DYTN: variants seen among roughly 807,000 people sequenced by gnomAD.
DYTN encodes dystrotelin.
In DYTN, 75 loss-of-function variants were observed where a neutral mutation model predicts 69.6. The observed-to-expected ratio is 1.08, with a 90% CI of 0.89 to 1.31. DYTN has a LOEUF of 1.31. Ranked by LOEUF, DYTN falls within the 50% of genes most tolerant of loss-of-function variation. DYTN has a pLI of 0.00. For synonymous variants in DYTN, 252 were observed against 249.1 expected, an observed-to-expected ratio of 1.01 and a Z score of -0.11; for missense variants, 726 against 688.4, an observed-to-expected ratio of 1.05 and a Z score of -0.61.
chr2:206,703,068 A>T (rs945999267), intron 5 of DYTN, among the ~76,000 whole-genome samples: 1 of 152,090 alleles, frequency 6.6e-6, no homozygotes, highest in African/African-American at 2.4e-5. Context: ...GCTTCCTAAG[A>T]CCTTCTCAGG....
chr2:206,699,603 C>A (rs946598725), intron 7 of DYTN, 124 bp downstream of exon 7: 6 of 1,218,286 alleles, frequency 4.9e-6, no homozygotes, highest in Non-Finnish European at 6.6e-6. Flanking sequence ...AATCATTGAG[C>A]CAAAAAAGTC....
intron 5 of DYTN, among the ~76,000 whole-genome samples, chr2:206,701,638 A>G (rs1699978454): frequency 6.6e-6 from 1 of 152,194 alleles, no homozygotes; most frequent in African/African-American, 2.4e-5. Flanking sequence ...GAGGACAGGG[A>G]TAAATGAGAA....
At chr2:206,658,735 C>G (rs1473607327) in intron 11 of DYTN, among the ~76,000 whole-genome samples, 1 of 152,106 alleles carries the variant, frequency 6.6e-6, no homozygotes, top group Non-Finnish European at 1.5e-5. Flanking sequence ...TTGCATTGAG[C>G]CTTTTGGAAA....
chr2:206,687,505 G>C (rs957763706), intron 9 of DYTN: 1 of 151,838 alleles, frequency 6.6e-6, no homozygotes, highest in African/African-American at 2.4e-5. Context: ...TTTTAATTTT[G>C]TTTATACTAT....
At chr2:206,677,740 C>T (rs1440496100) in intron 9 of DYTN, among the ~76,000 whole-genome samples, 2 of 152,246 alleles carry the variant, frequency 1.3e-5, no homozygotes, top group East Asian at 1.9e-4. Flanking sequence ...CCTGTAATCC[C>T]AGCACTTTGG....
At chr2:206,714,649 G>C (rs1700110553) in intron 1 of DYTN, among the ~76,000 whole-genome samples, 1 of 151,742 alleles carries the variant, frequency 6.6e-6, no homozygotes, top group African/African-American at 2.4e-5. Flanking sequence ...GGGTTTAGGA[G>C]GTGTTTCCAG....
intron 1 of DYTN, among the ~76,000 whole-genome samples, chr2:206,710,975 G>T (rs1338616290): frequency 6.6e-6 from 1 of 152,160 alleles, no homozygotes; most frequent in Non-Finnish European, 1.5e-5. Context: ...AAATGAAAAA[G>T]ACTCCAAAGC....
Position 206,707,405 on chromosome 2 carries a change from C to T in DYTN, c.193G>A (p.Ala65Thr). Residue 65 changes from alanine to threonine, a missense_variant, in exon 3 of 12, where the codon GCA (alanine) becomes ACA (threonine). Transcript: ENST00000452335. The part of the protein sequence containing the change: ...HSLSVQQLSQ[A>T]LQELFQKARE... ...GCCTTCTGAAACAGCTCTTGGAGTG[C>T]CTGAGAAAGTTGCTGCACAGAAAGG... is the stretch of plus-strand genomic sequence containing the variant. 6.2e-7 allele frequency: 1 copy of T among 1,613,260 alleles called. No individual in the cohort carries two copies. Among genetic ancestry groups the T allele is most frequent in the Non-Finnish European group, 8.5e-7 (1 of 1,179,678 alleles).
chr2:206,712,493 GC>G (rs1344630577), intron 1 of DYTN, among the ~76,000 whole-genome samples: 3 of 152,146 alleles, frequency 2.0e-5, no homozygotes, highest in Non-Finnish European at 4.4e-5. Flanking sequence ...AGACAAGAGA[GC>G]CACAGCTAGA....
intron 3 of DYTN, 107 bp downstream of exon 3, chr2:206,707,195 T>A: frequency 7.4e-7 from 1 of 1,346,614 alleles, no homozygotes; most frequent in Non-Finnish European, 1.0e-6. Flanking sequence ...AAAGAAGACT[T>A]CTTATATACC....
Position 206,710,097 on chromosome 2 carries a change from A to G in DYTN, c.94+427T>C, listed in dbSNP as rs115138896. 9.8e-3 allele frequency among the ~76,000 whole-genome samples: 1,488 copies of G among 152,336 alleles called. 23 individuals carry two copies. The highest frequency in any genetic ancestry group is 0.034 in the African/African-American group (1,422 of 41,566). On this transcript the variant is annotated intron_variant, in intron 2 of 11. Transcript: ENST00000452335. ...ACTTTTGCATGTTCATATATAGATT[A>G]TAGGTACAACTTGAAAATGCAAATC... is the stretch of plus-strand genomic sequence containing the variant.
At chr2:206,704,410 G>A (rs1199265541) in intron 5 of DYTN, among the ~76,000 whole-genome samples, 3 of 152,122 alleles carry the variant, frequency 2.0e-5, no homozygotes, top group Non-Finnish European at 4.4e-5. Context: ...TTAATATGTA[G>A]GAGTGAAAAA....
At chr2:206,672,519 C>T (rs978066750) in intron 9 of DYTN, among the ~76,000 whole-genome samples, 1 of 152,184 alleles carries the variant, frequency 6.6e-6, no homozygotes, top group Non-Finnish European at 1.5e-5. Context: ...TGGCAGGTGT[C>T]CCATGAGGGG....
intron 9 of DYTN, among the ~76,000 whole-genome samples, chr2:206,674,859 A>C (rs926567494): frequency 8.5e-5 from 13 of 152,052 alleles, no homozygotes; most frequent in Non-Finnish European, 1.8e-4. Context: ...TCCCCCAAAA[A>C]AGTTTTAAAA....
In DYTN at chr2:206,663,255, C is replaced by A; in HGVS notation, c.1281G>T (p.Gly427=). 6.2e-7 allele frequency: 1 copy of A among 1,613,912 alleles called. No individual in the cohort carries two copies. The highest frequency in any genetic ancestry group is 8.5e-7 in the Non-Finnish European group (1 of 1,179,892). ...CCTCATCAAGCTTAGGAAGAGGTTC[C>A]CCTGTTGAAGCATCTTCAGTGGCAT... The part of the protein sequence containing the change: ...IKNATEDAST[G]EPLPKLDEVD... Residue 427 remains glycine, a synonymous_variant, in exon 11 of 12, where the codon GGG becomes GGT. Transcript: ENST00000452335.
In DYTN at chr2:206,658,051, C is replaced by CT. The variant is rs576149972; in HGVS notation, c.1633+4851dup. On this transcript the variant is annotated intron_variant, in intron 11 of 11. Coordinates refer to ENST00000452335, the MANE Select transcript of DYTN (RefSeq NM_001093730.1). ...CCTTAAACGTTCATCACTCTTTCTT[C>CT]TTTTTTCCCTTCTTGTCAGATAATT... is the stretch of plus-strand genomic sequence containing the variant. Among the ~76,000 whole-genome samples the CT allele has an allele frequency of 5.9e-5, 9 of 152,108 alleles. No homozygotes were observed. In the East Asian group the frequency reaches 1.2e-3, roughly 20 times the overall value.
chr2:206,653,555 G>C (rs967738692), intron 11 of DYTN, among the ~76,000 whole-genome samples: 5 of 152,146 alleles, frequency 3.3e-5, no homozygotes, highest in Admixed American at 2.6e-4. Context: ...TGTGAGAGTA[G>C]ACTACAAGAA....
At chr2:206,653,210 A>G (rs1353545840) in intron 11 of DYTN, among the ~76,000 whole-genome samples, 1 of 152,228 alleles carries the variant, frequency 6.6e-6, no homozygotes, top group African/African-American at 2.4e-5. Flanking sequence ...ACAGTGATAA[A>G]AACTTAAAAT....
chr2:206,699,682 C>A (rs576035488), intron 7 of DYTN, 45 bp downstream of exon 7: 1 of 1,585,620 alleles, frequency 6.3e-7, no homozygotes, highest in South Asian at 1.2e-5. Context: ...AACTGTAGAA[C>A]CATATGGAGA....
Sources: allele counts gnomAD v4.1 joint callset (sites outside exome capture counted in the v4.1 genomes callset), GRCh38; gene constraint gnomAD v4.1.1; transcripts MANE v1.5; gene names NCBI Gene and HGNC (gene_info 2026-07-23, HGNC 2026-07-21).